CASP5: variants seen among roughly 807,000 people sequenced by gnomAD.
CASP5 encodes caspase 5.
CASP5 carries 42 observed loss-of-function variants against 45.2 expected under a neutral mutation model. That is an observed-to-expected ratio of 0.93 (90% CI 0.73 to 1.20). The LOEUF (loss-of-function observed/expected upper bound fraction) is 1.20, where lower values mean the gene tolerates loss of function less well. Among genes scored for constraint, CASP5 ranks in the 50% most tolerant of loss-of-function variants. CASP5 has a pLI of 0.00. For synonymous variants in CASP5, 209 were observed against 186.2 expected (o/e 1.12, Z -1.00); for missense variants, 512 against 532.2 (o/e 0.96, Z 0.37).
intron 3 of CASP5, among the ~76,000 whole-genome samples, chr11:105,006,629 C>G (rs999734086): frequency 1.3e-5 from 2 of 152,138 alleles, no homozygotes; most frequent in Non-Finnish European, 2.9e-5. Context: ...TGAATGAGAG[C>G]TGGTATCTTG....
chr11:104,995,472 CATT>C (rs1446289082), intron 9 of CASP5, among the ~76,000 whole-genome samples: 1 of 152,026 alleles, frequency 6.6e-6, no homozygotes, highest in African/African-American at 2.4e-5. Flanking sequence ...AATATTTGTA[CATT>C]ATTATTTTAA....
chr11:105,008,365 T>C (rs1040056896), intron 2 of CASP5, among the ~76,000 whole-genome samples: 1 of 151,898 alleles, frequency 6.6e-6, no homozygotes, highest in Admixed American at 6.6e-5. Context: ...ATCTTGGGAG[T>C]TATTGGCATG....
chr11:105,016,501 G>A (rs374697850), intron 1 of CASP5, among the ~76,000 whole-genome samples: 465 of 152,284 alleles, frequency 3.1e-3, no homozygotes, highest in African/African-American at 0.011. Context: ...CTCGGGAAGC[G>A]CAAGGGGTCA....
chr11:105,013,352 T>C (rs1565390822), intron 1 of CASP5, among the ~76,000 whole-genome samples: 1 of 151,666 alleles, frequency 6.6e-6, no homozygotes, highest in South Asian at 2.1e-4. Flanking sequence ...TTGCACCACA[T>C]AGTGACTATA....
intron 1 of CASP5, 58 bp downstream of exon 1, chr11:105,023,072 C>A: frequency 6.6e-7 from 1 of 1,519,952 alleles, no homozygotes. Flanking sequence ...AGCAATAAAT[C>A]AAGATTTTTC....
chr11:105,008,924 G>A lies in CASP5; in HGVS notation c.64C>T (p.Leu22Phe). The change falls in exon 2 of 10, where the codon CTT (leucine) becomes TTT (phenylalanine). Residue 22 changes from leucine (L) to phenylalanine (F), a missense_variant. Leu to Phe is a conservative substitution (Grantham distance 22). Transcript: ENST00000260315. Reference sequence around the variant, plus strand: ...ACGAAGTTATCCAATCCACTCTGAAGGATACCTTTGAACATAGCTTCAAAA... The same window carrying A: ...ACGAAGTTATCCAATCCACTCTGAAAGATACCTTTGAACATAGCTTCAAAA... ...KNFEAMFKGI[L>F]QSGLDNFVIN... 1 of 1,612,754 alleles carries A rather than the reference G, an allele frequency of 6.2e-7. No individual in the cohort carries two copies. Among genetic ancestry groups the A allele is most frequent in the South Asian group, 1.1e-5 (1 of 90,946 alleles).
chr11:105,020,680 A>C (rs187140799), intron 1 of CASP5, among the ~76,000 whole-genome samples: 22 of 151,942 alleles, frequency 1.4e-4, no homozygotes, highest in African/African-American at 5.1e-4. Flanking sequence ...ATGGAAGAAC[A>C]TTCCATGCTC....
At chr11:105,015,124 G>A (rs1312021293) in intron 1 of CASP5, among the ~76,000 whole-genome samples, 4 of 151,736 alleles carry the variant, frequency 2.6e-5, no homozygotes, top group Non-Finnish European at 4.4e-5. Context: ...ATTTGAAGAT[G>A]TTTGTTTGCA....
intron 1 of CASP5, among the ~76,000 whole-genome samples, chr11:105,017,529 TG>T (rs1238114911): frequency 3.1e-4 from 47 of 152,136 alleles, no homozygotes; most frequent in African/African-American, 1.1e-3. Context: ...CAGGAGCCGA[TG>T]CGATCAACTG....
intron 1 of CASP5, among the ~76,000 whole-genome samples, chr11:105,012,789 A>G (rs1368673351): frequency 1.3e-5 from 2 of 151,962 alleles, no homozygotes; most frequent in Non-Finnish European, 2.9e-5. Flanking sequence ...ATGTAGAGAA[A>G]AAGGAACTCT....
intron 1 of CASP5, among the ~76,000 whole-genome samples, chr11:105,010,551 T>G (rs1591169643): frequency 6.6e-6 from 1 of 150,934 alleles, no homozygotes; most frequent in East Asian, 1.9e-4. Context: ...ATCATTATTA[T>G]TTACAAGTCT....
At chr11:105,007,856 T>C (rs1196083452) in intron 2 of CASP5, among the ~76,000 whole-genome samples, 1 of 152,148 alleles carries the variant, frequency 6.6e-6, no homozygotes, top group Non-Finnish European at 1.5e-5. Context: ...GTGCCCAAAA[T>C]GCTTAAAAGT....
At chr11:105,011,740 A>G (rs1162129833) in intron 1 of CASP5, among the ~76,000 whole-genome samples, 1 of 151,796 alleles carries the variant, frequency 6.6e-6, no homozygotes, top group Non-Finnish European at 1.5e-5. Context: ...GTAACCAAAA[A>G]GTTAAAGATG....
chr11:105,003,168 C>T lies in CASP5; in HGVS notation c.543+106G>A. The stretch of plus-strand genomic sequence containing the variant: ...TCAGCTATGATCACACCACAGCACT[C>T]CAGGCTGGGCAACAGAGCAAGACCC... On this transcript the variant is annotated intron_variant, in intron 4 of 9. Coordinates refer to ENST00000260315, the MANE Select transcript of CASP5 (RefSeq NM_004347.5). 6 of 754,440 alleles carry T rather than the reference C, an allele frequency of 8.0e-6. No individual in the cohort carries two copies. In the South Asian group the frequency reaches 8.9e-5, roughly 11 times the overall value. The allele number at this position is 754,440 out of a possible 1,614,324, so 46.7% of individuals were successfully genotyped here.
intron 4 of CASP5, 148 bp downstream of exon 4, chr11:105,003,126 T>G: frequency 1.7e-6 from 1 of 598,012 alleles, no homozygotes. Flanking sequence ...CTTGAGCCCA[T>G]GTGTTCAAGA....
chr11:105,017,674 G>C (rs959691179), intron 1 of CASP5, among the ~76,000 whole-genome samples: 3 of 151,604 alleles, frequency 2.0e-5, no homozygotes, highest in African/African-American at 7.3e-5. Flanking sequence ...CCAAATCTAC[G>C]TCTGATTGGT....
chr11:104,997,520 G>C (rs565128873), intron 7 of CASP5, 28 bp from the exon 8 acceptor site: 1 of 1,381,948 alleles, frequency 7.2e-7, no homozygotes, highest in Non-Finnish European at 1.0e-6. Flanking sequence ...GGTATGCCTT[G>C]GGCTACGACT....
rs1207954162 is a variant in CASP5 at position 105,009,814 on chromosome 11, C to CAT, written c.8-836_8-835dup. Among the ~76,000 whole-genome samples the CAT allele has an allele frequency of 2.1e-4, 19 of 92,172 alleles. 1 individual carries two copies. The highest frequency in any genetic ancestry group is 6.0e-4 in the African/African-American group (10 of 16,786). The allele number at this position is 92,172 out of a possible 152,430, so 60.5% of individuals were successfully genotyped here. On this transcript the variant is annotated intron_variant, in intron 1 of 9. Transcript: ENST00000260315. Reference sequence around the variant, plus strand: ...ACACGTATATATATATATACACACACATATATATATACACATATATATATA... The same window carrying CAT: ...ACACGTATATATATATATACACACACATATATATATATACACATATATATATA...
chr11:104,996,715 T>C (rs1430015887), intron 8 of CASP5, among the ~76,000 whole-genome samples: 1 of 152,110 alleles, frequency 6.6e-6, no homozygotes, highest in East Asian at 1.9e-4. Context: ...TGCATATTAG[T>C]GAGTAAATAC....
Sources: allele counts gnomAD v4.1 joint callset (sites outside exome capture counted in the v4.1 genomes callset), GRCh38; gene constraint gnomAD v4.1.1; transcripts MANE v1.5; gene names NCBI Gene and HGNC (gene_info 2026-07-23, HGNC 2026-07-21).